DAAM1: variants seen among roughly 807,000 people sequenced by gnomAD.
The protein encoded by DAAM1 is disheveled-associated activator of morphogenesis 1.
Under a neutral mutation model 130.0 loss-of-function variants are expected in DAAM1, and 52 were observed. The observed-to-expected ratio is 0.40, with a 90% CI of 0.32 to 0.50. The LOEUF is 0.50. Ranked by LOEUF, DAAM1 falls within the 20% of genes least tolerant of loss-of-function variation. DAAM1 has a pLI of 0.61. For synonymous variants in DAAM1, 452 were observed against 444.5 expected, an observed-to-expected ratio of 1.02 and a Z score of -0.21; for missense variants, 1,134 against 1,303.8, an observed-to-expected ratio of 0.87 and a Z score of 2.01.
chr14:59,318,677 AAATAT>A (rs1338041265), intron 4 of DAAM1, among the ~76,000 whole-genome samples: 1 of 152,110 alleles, frequency 6.6e-6, no homozygotes, highest in Admixed American at 6.6e-5. Flanking sequence ...TCAGCACGAT[AAATAT>A]AATCTCAGAA....
chr14:59,363,781 T>C lies in DAAM1; in HGVS notation c.2825T>C (p.Leu942Pro). The change falls in exon 23 of 25, where the codon CTG (leucine) becomes CCG (proline). Residue 942 changes from leucine to proline, a missense_variant and splice_region_variant. Leu to Pro is a moderately conservative substitution (Grantham distance 98). This residue lies in a region of DAAM1 where 644 missense variants were observed against 695.9 expected (regional missense o/e 0.93). Coordinates refer to ENST00000360909, the MANE Select transcript of DAAM1 (RefSeq NM_001270520.2). ...GACCTTCTAGCAGAAGCTAAAGACC[T>C]GGTAAGTTTCCCCCTTGTGCACTGA... is the stretch of plus-strand genomic sequence containing the variant. ...VEDLLAEAKDLFTKAVKHFGE... is the reference protein window; with the variant it reads ...VEDLLAEAKDPFTKAVKHFGE... 1.2e-6 allele frequency: 2 copies of C among 1,613,732 alleles called. No individual in the cohort carries two copies. The highest frequency in any genetic ancestry group is 1.7e-6 in the Non-Finnish European group (2 of 1,179,906).
chr14:59,305,714 G>T (rs1206862971), intron 3 of DAAM1, among the ~76,000 whole-genome samples: 1 of 152,160 alleles, frequency 6.6e-6, no homozygotes, highest in African/African-American at 2.4e-5. Flanking sequence ...ACAGAAATGC[G>T]GTGATATTGT....
In DAAM1 at chr14:59,327,590, T is replaced by C. The variant is rs1394309921; in HGVS notation, c.1372+599T>C. On this transcript the variant is annotated intron_variant, in intron 12 of 24. Coordinates refer to ENST00000360909, the MANE Select transcript of DAAM1 (RefSeq NM_001270520.2). The stretch of plus-strand genomic sequence containing the variant: ...ATCCGGCTAATTTTTTGTATTTTTA[T>C]TAGAGATGGGGTTTCACTATGTTAG... Among the ~76,000 whole-genome samples, 4 of 151,934 alleles carry C rather than the reference T, an allele frequency of 2.6e-5. No homozygotes were observed. The East Asian group carries it at 7.8e-4, about 29-fold the overall frequency.
chr14:59,259,723 T>G (rs1882079344), intron 1 of DAAM1, among the ~76,000 whole-genome samples: 1 of 152,234 alleles, frequency 6.6e-6, no homozygotes, highest in African/African-American at 2.4e-5. Flanking sequence ...ACATCAGCGC[T>G]GCTGCTGCCT....
intron 1 of DAAM1, among the ~76,000 whole-genome samples, chr14:59,241,897 C>T (rs548334460): frequency 3.6e-4 from 54 of 151,916 alleles, no homozygotes; most frequent in African/African-American, 1.3e-3. Context: ...CTCTCTCTCT[C>T]TTTTTTTTCC....
intron 2 of DAAM1, among the ~76,000 whole-genome samples, chr14:59,275,083 G>A (rs1882901848): frequency 6.6e-6 from 1 of 152,216 alleles, no homozygotes. Context: ...GCTGGCAAGA[G>A]CAGTGCTGGT....
chr14:59,241,204 G>T (rs1881101619), intron 1 of DAAM1, among the ~76,000 whole-genome samples: 2 of 152,142 alleles, frequency 1.3e-5, no homozygotes, highest in Admixed American at 1.3e-4. Flanking sequence ...TTGAGTTATT[G>T]TTATACAATA....
chr14:59,263,393 T>C (rs796517075), intron 1 of DAAM1, 48 bp from the exon 2 acceptor site: 1 of 1,532,910 alleles, frequency 6.5e-7, no homozygotes. Context: ...TTAAAAATCA[T>C]TTTATCTGTT....
At chr14:59,344,409 A>C (rs147129694) in intron 16 of DAAM1, among the ~76,000 whole-genome samples, 1,800 of 152,350 alleles carry the variant, frequency 0.012, 14 homozygotes, top group Non-Finnish European at 0.019. Flanking sequence ...AAGTTGGAGT[A>C]GATATCTCAA....
At chr14:59,313,328 C>G (rs1025882158) in intron 3 of DAAM1, among the ~76,000 whole-genome samples, 4 of 152,220 alleles carry the variant, frequency 2.6e-5, no homozygotes, top group Non-Finnish European at 4.4e-5. Context: ...TTCACATACT[C>G]TAGCTTGTTT....
chr14:59,196,207 T>TA (rs1239077064), intron 1 of DAAM1, among the ~76,000 whole-genome samples: 1 of 152,200 alleles, frequency 6.6e-6, no homozygotes, highest in Admixed American at 6.5e-5. Flanking sequence ...CTTCTGGACT[T>TA]ACTCTTAGAT....
chr14:59,322,625 AT>A (rs1885056736), intron 5 of DAAM1, among the ~76,000 whole-genome samples: 1 of 152,088 alleles, frequency 6.6e-6, no homozygotes, highest in Non-Finnish European at 1.5e-5. Context: ...CTAATTTTTT[AT>A]GAATATATGA....
At chr14:59,254,173 T>G (rs1280640067) in intron 1 of DAAM1, among the ~76,000 whole-genome samples, 1 of 152,164 alleles carries the variant, frequency 6.6e-6, no homozygotes, top group Non-Finnish European at 1.5e-5. Context: ...AGACTGACTT[T>G]AGGGGTCATT....
At chr14:59,355,407 C>A in intron 20 of DAAM1, 74 bp downstream of exon 20, 1 of 1,552,666 alleles carries the variant, frequency 6.4e-7, no homozygotes, top group Non-Finnish European at 8.8e-7. Flanking sequence ...CCTCTCTGGT[C>A]CTCCTCAGCC....
chr14:59,225,228 A>G (rs1466478229), intron 1 of DAAM1, among the ~76,000 whole-genome samples: 2 of 152,010 alleles, frequency 1.3e-5, no homozygotes, highest in Non-Finnish European at 1.5e-5. Context: ...GGGTTTCACC[A>G]TGTTGGACAG....
chr14:59,292,536 T>G (rs1883790055), intron 3 of DAAM1, among the ~76,000 whole-genome samples: 1 of 152,244 alleles, frequency 6.6e-6, no homozygotes, highest in African/African-American at 2.4e-5. Flanking sequence ...AGGCACCATG[T>G]CTTATCCATC....
intron 5 of DAAM1, 31 bp from the exon 6 acceptor site, chr14:59,322,861 C>T (rs1386543080): frequency 1.3e-6 from 2 of 1,564,146 alleles, no homozygotes; most frequent in African/African-American, 1.4e-5. Context: ...CCCAAAGGCA[C>T]TTAAGCATGG....
chr14:59,253,896 T>C (rs1046097219), intron 1 of DAAM1, among the ~76,000 whole-genome samples: 1 of 152,228 alleles, frequency 6.6e-6, no homozygotes, highest in African/African-American at 2.4e-5. Flanking sequence ...ATGGTAAACA[T>C]AATTGTTGAA....
intron 3 of DAAM1, among the ~76,000 whole-genome samples, chr14:59,312,177 A>C (rs1249808142): frequency 6.6e-6 from 1 of 152,180 alleles, no homozygotes; most frequent in African/African-American, 2.4e-5. Context: ...ATTACTACCA[A>C]AATTTACTTC....
Sources: allele counts gnomAD v4.1 joint callset (sites outside exome capture counted in the v4.1 genomes callset), GRCh38; gene constraint gnomAD v4.1.1; regional missense constraint gnomAD v4.1.1; transcripts MANE v1.5; gene names NCBI Gene and HGNC (gene_info 2026-07-23, HGNC 2026-07-21).